The following FRMPD4 variants were observed in gnomAD, a reference collection of about 807,000 sequenced individuals.
FRMPD4 encodes the protein FERM and PDZ domain containing 4, also known as FERM and PDZ domain-containing protein 4.
A neutral mutation model predicts 94.1 loss-of-function variants in FRMPD4; 22 were observed. That is an observed-to-expected ratio of 0.23 (90% CI 0.17 to 0.33). The LOEUF (loss-of-function observed/expected upper bound fraction) is 0.33, where lower values mean the gene tolerates loss of function less well. FRMPD4 is among the 10% of genes least tolerant of loss of function. The probability of loss-of-function intolerance (pLI) is 1.00; values close to 1 mark genes in which losing one functional copy is unlikely to be tolerated. For missense variants in FRMPD4, 1,111 were observed against 1,339.9 expected (o/e 0.83, Z 2.67); for synonymous variants, 631 against 548.6 (o/e 1.15, Z -2.10).
chrX:12,239,650 A>T (rs1007145589), intron 1 of FRMPD4, among the ~76,000 whole-genome samples: 3 of 112,088 alleles, frequency 2.7e-5, no homozygotes, highest in Non-Finnish European at 5.6e-5. Context: ...TGTTTTAGTT[A>T]GTTCCAGCTG....
intron 5 of FRMPD4, among the ~76,000 whole-genome samples, chrX:12,679,450 G>T (rs1258819805): frequency 9.0e-6 from 1 of 111,579 alleles, no homozygotes. Context: ...TGCCTTTATC[G>T]GGGGTCAGGG....
At chrX:12,066,777 C>T (rs1453471386) in intron 3 of FRMPD4, among the ~76,000 whole-genome samples, 2 of 108,164 alleles carry the variant, frequency 1.8e-5, no homozygotes, top group African/African-American at 6.7e-5. Context: ...TGGTGGGAAA[C>T]CCTATTGTAA....
chrX:12,104,122 C>G (rs753084993), intron 3 of FRMPD4, among the ~76,000 whole-genome samples: 1 of 112,048 alleles, frequency 8.9e-6, no homozygotes, highest in Non-Finnish European at 1.9e-5. Context: ...AGCCCACTGC[C>G]GTCATAACTA....
chrX:12,524,375 C>G (rs7878311), intron 2 of FRMPD4, among the ~76,000 whole-genome samples: 45,405 of 110,320 alleles, frequency 0.41, 7,759 homozygotes, highest in African/African-American at 0.65. Flanking sequence ...TTTTGGTTTA[C>G]ACTGGTCTGT....
chrX:12,524,179 T>G (rs780574862), intron 2 of FRMPD4, among the ~76,000 whole-genome samples: 2 of 111,575 alleles, frequency 1.8e-5, no homozygotes, highest in Non-Finnish European at 3.8e-5. Flanking sequence ...AAAAAAAAGT[T>G]TAAAAACTGA....
At chrX:12,543,071 C>G (rs1270848927) in intron 2 of FRMPD4, among the ~76,000 whole-genome samples, 1 of 111,759 alleles carries the variant, frequency 8.9e-6, no homozygotes, top group Non-Finnish European at 1.9e-5. Flanking sequence ...TTCCTTACAC[C>G]TTGTACAAAA....
At chrX:11,846,749 T>C (rs2053579236) in intron 1 of FRMPD4, among the ~76,000 whole-genome samples, 2 of 109,043 alleles carry the variant, frequency 1.8e-5, no homozygotes, top group African/African-American at 3.3e-5. Flanking sequence ...TATCTGATCT[T>C]TGGCAAACCT....
intron 1 of FRMPD4, among the ~76,000 whole-genome samples, chrX:12,497,193 C>A (rs188146683): frequency 3.6e-5 from 4 of 111,710 alleles, no homozygotes; most frequent in African/African-American, 6.5e-5. Context: ...TAAATTGTTG[C>A]ATTCTCTACA....
intron 2 of FRMPD4, among the ~76,000 whole-genome samples, chrX:12,512,952 T>A (rs200725442): frequency 8.9e-6 from 1 of 112,685 alleles, no homozygotes; most frequent in Non-Finnish European, 1.9e-5. Flanking sequence ...GGTTTTGATT[T>A]GCATTTCTCT....
chrX:12,485,648 C>CA (rs2057731652), intron 1 of FRMPD4, among the ~76,000 whole-genome samples: 1 of 111,627 alleles, frequency 9.0e-6, no homozygotes, highest in African/African-American at 3.3e-5. Flanking sequence ...ATTAGAGCTT[C>CA]ATTTCACTGG....
intron 2 of FRMPD4, among the ~76,000 whole-genome samples, chrX:12,508,892 C>G (rs765339838): frequency 3.7e-4 from 38 of 102,060 alleles, no homozygotes; most frequent in Admixed American, 1.9e-3. Context: ...CTCAGGAGGC[C>G]GAGGCAAGAG....
rs963367314 is a variant in FRMPD4 at position 12,723,773 on chromosome X, C to G, written c.*1915C>G. 4.5e-5 allele frequency: 5 copies of G among 111,253 alleles called. No individual in the cohort carries two copies. Among genetic ancestry groups the G allele is most frequent in the Non-Finnish European group, 7.5e-5 (4 of 53,085 alleles). The allele number at this position is 111,253 out of a possible 1,213,427, so 9.2% of individuals were successfully genotyped here. Reference sequence around the variant, plus strand: ...TCTCTGGAGGCAATATGGATGAGTTCTTACGGATATGGGGTTTGGGGTCAG... The same window carrying G: ...TCTCTGGAGGCAATATGGATGAGTTGTTACGGATATGGGGTTTGGGGTCAG... On this transcript the variant is annotated 3_prime_UTR_variant, in exon 17 of 17. Transcript: ENST00000675598.
intron 3 of FRMPD4, among the ~76,000 whole-genome samples, chrX:12,077,303 A>C (rs1393294970): frequency 8.9e-6 from 1 of 111,849 alleles, no homozygotes; most frequent in African/African-American, 3.2e-5. Flanking sequence ...AGTAGGTAGC[A>C]ATGACAGAAT....
chrX:12,579,809 G>A (rs1381936035), intron 2 of FRMPD4, among the ~76,000 whole-genome samples: 4 of 111,372 alleles, frequency 3.6e-5, no homozygotes, highest in East Asian at 2.8e-4. Context: ...AAAGAAAACC[G>A]AAAAGACTTT....
At chrX:12,596,615 C>T (rs926731746) in intron 2 of FRMPD4, among the ~76,000 whole-genome samples, 10 of 109,931 alleles carry the variant, frequency 9.1e-5, no homozygotes, top group African/African-American at 3.0e-4. Context: ...TAGCTTCTAG[C>T]GGGAGTGCAC....
chrX:12,161,873 C>T (rs1451924145), intron 1 of FRMPD4, among the ~76,000 whole-genome samples: 9 of 111,696 alleles, frequency 8.1e-5, no homozygotes, highest in East Asian at 2.8e-4. Flanking sequence ...AGTGGTTTAT[C>T]TCCTCTCTTA....
intron 2 of FRMPD4, among the ~76,000 whole-genome samples, chrX:12,575,980 C>T (rs144167305): frequency 8.9e-6 from 1 of 112,455 alleles, no homozygotes; most frequent in African/African-American, 3.2e-5. Context: ...CCACTAAGCT[C>T]ATGGTAATTT....
intron 1 of FRMPD4, among the ~76,000 whole-genome samples, chrX:12,372,683 T>C (rs748812619): frequency 8.9e-6 from 1 of 112,946 alleles, no homozygotes; most frequent in Non-Finnish European, 1.9e-5. Context: ...TATTGCCTTT[T>C]GCTATACAGG....
chrX:12,418,012 AC>A (rs1432787666), intron 1 of FRMPD4, among the ~76,000 whole-genome samples: 7 of 107,552 alleles, frequency 6.5e-5, no homozygotes, highest in Admixed American at 9.9e-5. Context: ...AAAAAAAAAA[AC>A]AAACAACAAC....
Sources: gnomAD v4.1 joint callset for allele counts (sites outside exome capture counted in the v4.1 genomes callset) on GRCh38, gnomAD v4.1.1 for gene constraint, MANE v1.5 for transcripts, NCBI Gene and HGNC (gene_info 2026-07-23, HGNC 2026-07-21) for gene names.